IGFL2: variants seen among roughly 807,000 people sequenced by gnomAD.
The protein encoded by IGFL2 is insulin growth factor-like family member 2.
A neutral mutation model predicts 13.9 loss-of-function variants in IGFL2; 7 were observed. That is an observed-to-expected ratio of 0.51 (90% CI 0.29 to 0.95). The LOEUF (loss-of-function observed/expected upper bound fraction) is 0.95. Ranked by LOEUF, IGFL2 falls within the 40% of genes least tolerant of loss-of-function variation. IGFL2 has a pLI of 0.08. For missense variants in IGFL2, 138 were observed against 147.8 expected (o/e 0.93, Z 0.34); for synonymous variants, 55 against 55.8 (o/e 0.99, Z 0.07).
the IGFL2 span, among the ~76,000 whole-genome samples, chr19:46,093,444 G>A: frequency 6.6e-6 from 1 of 152,148 alleles, no homozygotes; most frequent in Non-Finnish European, 1.5e-5. Flanking sequence ...TACAGCTAAT[G>A]TCATATTTAA....
At chr19:46,104,733 T>TA in the IGFL2 span, among the ~76,000 whole-genome samples, 1 of 152,234 alleles carries the variant, frequency 6.6e-6, no homozygotes, top group Admixed American at 6.5e-5. Context: ...GAATAGCAGA[T>TA]GGAACACTAA....
chr19:46,148,969 C>T, intron 1 of IGFL2: 1 of 1,588,212 alleles, frequency 6.3e-7, no homozygotes, highest in Non-Finnish European at 8.6e-7. Context: ...TTCCTGGGCT[C>T]TCAGCGCCAG....
the IGFL2 span, among the ~76,000 whole-genome samples, chr19:46,127,853 A>T: frequency 1.4e-4 from 21 of 152,332 alleles, no homozygotes; most frequent in East Asian, 2.7e-3. Context: ...CAAAGGAGCC[A>T]CTGGCCACAG....
the IGFL2 span, chr19:46,120,319 G>A: frequency 6.2e-7 from 1 of 1,610,786 alleles, no homozygotes; most frequent in Non-Finnish European, 8.5e-7. Flanking sequence ...TGCCAGTGGA[G>A]CCTGGGGTTT....
chr19:46,113,294 C>T, the IGFL2 span: 1 of 269,602 alleles, frequency 3.7e-6, no homozygotes. Context: ...ATGTGTTCTG[C>T]ACTTTCCTGG....
chr19:46,080,354 C>T, the IGFL2 span, among the ~76,000 whole-genome samples: 2 of 151,534 alleles, frequency 1.3e-5, no homozygotes, highest in Admixed American at 6.6e-5. Flanking sequence ...ATCAACATAG[C>T]GAGTCAACTT....
intron 3 of IGFL2, 65 bp from the exon 4 acceptor site, chr19:46,161,005 C>T (rs148618752): frequency 2.6e-6 from 4 of 1,553,696 alleles, no homozygotes; most frequent in Non-Finnish European, 3.5e-6. Context: ...CTAGCAGTTT[C>T]TCAAATATTT....
the IGFL2 span, chr19:46,207,317 C>G: frequency 1.3e-5 from 2 of 152,054 alleles, no homozygotes; most frequent in Non-Finnish European, 2.9e-5. Flanking sequence ...CCCTCTAATC[C>G]TCAAATCTTT....
At chr19:46,081,593 T>C in the IGFL2 span, among the ~76,000 whole-genome samples, 2 of 152,336 alleles carry the variant, frequency 1.3e-5, no homozygotes, top group East Asian at 1.9e-4. Context: ...CCTTGTCTTA[T>C]CAGACAGATA....
chr19:46,108,483 A>G, the IGFL2 span, among the ~76,000 whole-genome samples: 38 of 152,246 alleles, frequency 2.5e-4, 1 homozygote, highest in East Asian at 6.9e-3. Flanking sequence ...GTCAGGTGAG[A>G]GTTGAAGAGG....
chr19:46,201,906 TGTTGGGCAG>T, the IGFL2 span, among the ~76,000 whole-genome samples: 55,790 of 151,426 alleles, frequency 0.37, 11,638 homozygotes, highest in Middle Eastern at 0.5. Context: ...AAGAGGAAAT[TGTTGGGCAG>T]GTTGGGGAGG....
Position 46,160,892 on chromosome 19 carries a change from C to G in IGFL2, c.341+11C>G, listed in dbSNP as rs548528430. On this transcript the variant is annotated intron_variant, in intron 3 of 3. Transcript: ENST00000377693. ...CAGTAAATGTGAAAGGTAGGGACCCCGTCCCTGGCCAGGGGGTCGGGGGAA... is the reference window on the plus strand; with the variant it reads ...CAGTAAATGTGAAAGGTAGGGACCCGGTCCCTGGCCAGGGGGTCGGGGGAA... The G allele has an allele frequency of 1.9e-6, 3 of 1,612,206 alleles. No homozygotes were observed. In the South Asian group the frequency reaches 3.3e-5, roughly 18 times the overall value.
upstream of IGFL2, among the ~76,000 whole-genome samples, chr19:46,141,095 A>C (rs1235884119): frequency 6.6e-6 from 1 of 152,194 alleles, no homozygotes; most frequent in Admixed American, 6.5e-5. Flanking sequence ...TATTATTTTT[A>C]TACAGGACAG....
the IGFL2 span, among the ~76,000 whole-genome samples, chr19:46,093,568 A>C: frequency 1.3e-5 from 2 of 152,168 alleles, no homozygotes; most frequent in Non-Finnish European, 2.9e-5. Flanking sequence ...TGAGGCAAAA[A>C]CGCATGCAGA....
intron 1 of IGFL2, among the ~76,000 whole-genome samples, chr19:46,152,014 T>G (rs1181717742): frequency 6.6e-6 from 1 of 152,212 alleles, no homozygotes; most frequent in Non-Finnish European, 1.5e-5. Context: ...ATGGATGTAT[T>G]TCCATTTATT....
At chr19:46,155,574 C>T (rs140161430) in intron 1 of IGFL2, among the ~76,000 whole-genome samples, 7 of 152,164 alleles carry the variant, frequency 4.6e-5, no homozygotes, top group South Asian at 2.1e-4. Context: ...GTTGTTTTGC[C>T]GGGAGGAAGG....
chr19:46,154,576 T>C (rs1973705221), intron 1 of IGFL2, among the ~76,000 whole-genome samples: 1 of 152,142 alleles, frequency 6.6e-6, no homozygotes, highest in Non-Finnish European at 1.5e-5. Context: ...CCCAAGTAGC[T>C]GGAACTACAG....
the IGFL2 span, among the ~76,000 whole-genome samples, chr19:46,174,687 G>A: frequency 1.3e-5 from 2 of 152,192 alleles, no homozygotes; most frequent in Non-Finnish European, 2.9e-5. Context: ...TGACATTTAT[G>A]CTTCTAACCC....
chr19:46,097,240 T>C, the IGFL2 span, among the ~76,000 whole-genome samples: 1 of 152,358 alleles, frequency 6.6e-6, no homozygotes, highest in Non-Finnish European at 1.5e-5. Flanking sequence ...TGGTTTAGTG[T>C]TGGAAGGGTG....
Sources: gnomAD v4.1 joint callset for allele counts (sites outside exome capture counted in the v4.1 genomes callset) on GRCh38, gnomAD v4.1.1 for gene constraint, MANE v1.5 for transcripts, NCBI Gene and HGNC (gene_info 2026-07-23, HGNC 2026-07-21) for gene names.